MATR3: variants seen among roughly 807,000 people sequenced by gnomAD.
MATR3 encodes the protein matrin 3.
MATR3 carries 4 observed loss-of-function variants against 85.5 expected under a neutral mutation model. The ratio of observed to expected loss-of-function variants is 0.05; its 90% CI spans 0.02 to 0.11. MATR3 has a LOEUF of 0.11. MATR3 is among the 10% of genes least tolerant of loss of function. MATR3 has a pLI of 1.00. For synonymous variants in MATR3, 336 were observed against 343.1 expected, an observed-to-expected ratio of 0.98 and a Z score of 0.23; for missense variants, 685 against 1,016.1, an observed-to-expected ratio of 0.67 and a Z score of 4.43.
intron 3 of MATR3, chr5:139,282,688 A>T (rs1458053709): frequency 6.6e-6 from 1 of 152,196 alleles, no homozygotes; most frequent in Non-Finnish European, 1.5e-5. Context: ...TAAAGTCCAT[A>T]CTTTGTTCAG....
chr5:139,286,648 C>CAGCCTA (rs1561921376), intron 3 of MATR3, among the ~76,000 whole-genome samples: 1 of 151,424 alleles, frequency 6.6e-6, no homozygotes, highest in Non-Finnish European at 1.5e-5. Context: ...AGTACAAGAC[C>CAGCCTA]AGCCTAGCCA....
At chr5:139,294,708 G>C (rs773204850) in intron 1 of MATR3, 1 of 152,180 alleles carries the variant, frequency 6.6e-6, no homozygotes, top group Non-Finnish European at 1.5e-5. Flanking sequence ...AGAGAGGATC[G>C]TGTGGTGTGG....
At chr5:139,300,170 C>G (rs1055152111) in intron 1 of MATR3, among the ~76,000 whole-genome samples, 8 of 152,134 alleles carry the variant, frequency 5.3e-5, no homozygotes, top group African/African-American at 1.9e-4. Context: ...CGAGACCAGT[C>G]TGGCCAACAT....
chr5:139,293,993 C>G, intron 1 of MATR3, 188 bp downstream of exon 1: 1 of 1,281,364 alleles, frequency 7.8e-7, no homozygotes, highest in Non-Finnish European at 9.9e-7. Flanking sequence ...GTTAGGAGCG[C>G]AGTGGCGGCG....
chr5:139,300,690 A>C (rs1461513276), intron 1 of MATR3, among the ~76,000 whole-genome samples: 1 of 152,168 alleles, frequency 6.6e-6, no homozygotes, highest in African/African-American at 2.4e-5. Flanking sequence ...TCAGAGTCTC[A>C]CTCTGTCACC....
At chr5:139,293,937 C>T in intron 1 of MATR3, 132 bp downstream of exon 1, 2 of 1,208,586 alleles carry the variant, frequency 1.7e-6, no homozygotes, top group African/African-American at 1.6e-5. Context: ...CCCGCTCTGC[C>T]TCCCTCCGCG....
intron 5 of MATR3, among the ~76,000 whole-genome samples, chr5:139,316,481 G>A (rs1366075199): frequency 6.6e-6 from 1 of 152,082 alleles, no homozygotes; most frequent in Non-Finnish European, 1.5e-5. Context: ...CTTGGCCTCA[G>A]GTGGACTACC....
At position 139,329,801 on chromosome 5, in the gene MATR3, A is replaced by G. The variant is rs185734839; in HGVS notation, c.*406A>G. 8.6e-5 allele frequency: 39 copies of G among 454,690 alleles called. No individual in the cohort carries two copies. The East Asian group carries it at 2.2e-3, about 26-fold the overall frequency. The allele number at this position is 454,690 out of a possible 1,614,324, so 28.2% of individuals were successfully genotyped here. On this transcript the variant is annotated 3_prime_UTR_variant, in exon 15 of 15. Coordinates refer to ENST00000394805, the MANE Select transcript of MATR3 (RefSeq NM_018834.6). ...AGTGTTTTTATTACTTTCATCTGAAACATTCCATGTTTTAATCTGAGCCTT... is the reference window on the plus strand; with the variant it reads ...AGTGTTTTTATTACTTTCATCTGAAGCATTCCATGTTTTAATCTGAGCCTT...
chr5:139,329,636 G>C lies in MATR3; in HGVS notation c.*241G>C. On this transcript the variant is annotated 3_prime_UTR_variant, in exon 15 of 15. Transcript: ENST00000394805. ...GCAACAGACAGAAGTACTTTGTAGAGATTGACTTCCTAAGCTACTTAAGAC... is the reference window on the plus strand; with the variant it reads ...GCAACAGACAGAAGTACTTTGTAGACATTGACTTCCTAAGCTACTTAAGAC... 1.9e-6 allele frequency: 1 copy of C among 524,834 alleles called. No homozygotes were observed. Among genetic ancestry groups the C allele is most frequent in the Non-Finnish European group, 3.6e-6 (1 of 274,432 alleles). The allele number at this position is 524,834 out of a possible 1,614,324, so 32.5% of individuals were successfully genotyped here. A position where few individuals can be genotyped will look rare whatever the true frequency, so the allele number is the denominator to read the frequency against.
At chr5:139,293,685 T>C (rs1753966215), upstream of MATR3, 2 of 299,052 alleles carry the variant, frequency 6.7e-6, no homozygotes, top group African/African-American at 4.3e-5. Context: ...GGTTTGTTCT[T>C]GGGCTGCAGC....
intron 1 of MATR3, chr5:139,294,201 G>C (rs549735583): frequency 2.2e-4 from 121 of 541,162 alleles, no homozygotes; most frequent in Admixed American, 5.2e-4. Context: ...GAGGGGGAGG[G>C]AGGAGCTCGC....
At position 139,330,100 on chromosome 5, in the gene MATR3, T is replaced by C. The variant is rs1375257627; in HGVS notation, c.*705T>C. On this transcript the variant is annotated 3_prime_UTR_variant, in exon 15 of 15. Transcript: ENST00000394805. The stretch of plus-strand genomic sequence containing the variant: ...TGACCAGTATTAATTTTTGAGATCT[T>C]ACTGCTTGTCACTTGAATCCCGTGA... The C allele has an allele frequency of 2.2e-6, 1 of 454,556 alleles. No individual in the cohort carries two copies. Among genetic ancestry groups the C allele is most frequent in the Admixed American group, 2.3e-5 (1 of 42,570 alleles). 28.2% of individuals were successfully genotyped at this position (454,556 alleles called of 1,614,324 possible).
At chr5:139,315,613 T>TG (rs1232154643) in intron 3 of MATR3, 84 bp from the exon 4 acceptor site, 1 of 848,074 alleles carries the variant, frequency 1.2e-6, no homozygotes, top group Non-Finnish European at 2.0e-6. Context: ...TACTAATAAA[T>TG]GATCTCTATT....
chr5:139,279,224 A>C (rs1753419625), intron 3 of MATR3: 6 of 447,800 alleles, frequency 1.3e-5, no homozygotes, highest in South Asian at 4.7e-5. Flanking sequence ...AATTATGTAG[A>C]GTATCAGACT....
chr5:139,322,537 G>A (rs1453653632), intron 11 of MATR3, 31 bp downstream of exon 11: 13 of 1,569,706 alleles, frequency 8.3e-6, no homozygotes, highest in Non-Finnish European at 7.9e-6. Flanking sequence ...ATATGTGTGA[G>A]TATATTCAAC....
At chr5:139,274,500 AT>A (rs1753194529) in intron 1 of MATR3, 2 of 178,298 alleles carry the variant, frequency 1.1e-5, no homozygotes, top group Admixed American at 1.1e-4. Flanking sequence ...GGGGCAGGCT[AT>A]TTTTAGATCT....
chr5:139,330,781 G>T lies in MATR3; in HGVS notation c.*1386G>T, dbSNP rs1264507822. On this transcript the variant is annotated 3_prime_UTR_variant, in exon 15 of 15. Transcript: ENST00000394805. ...TTACGTAGAGACTCTTGGTATATTGGATTATCTGTTGTAAACAATTTTTTT... is the reference window on the plus strand; with the variant it reads ...TTACGTAGAGACTCTTGGTATATTGTATTATCTGTTGTAAACAATTTTTTT... 1 of 454,042 alleles carries T rather than the reference G, an allele frequency of 2.2e-6. No individual in the cohort carries two copies. Among genetic ancestry groups the T allele is most frequent in the East Asian group, 6.9e-5 (1 of 14,396 alleles). The allele number at this position is 454,042 out of a possible 1,614,324, so 28.1% of individuals were successfully genotyped here.
chr5:139,304,371 GTGTC>G (rs996542963), intron 1 of MATR3, among the ~76,000 whole-genome samples: 2 of 151,966 alleles, frequency 1.3e-5, no homozygotes, highest in African/African-American at 4.8e-5. Flanking sequence ...GTGGTGGTGT[GTGTC>G]TGTAATTTCA....
chr5:139,302,337 A>T (rs1051503848), intron 1 of MATR3, among the ~76,000 whole-genome samples: 2 of 152,214 alleles, frequency 1.3e-5, no homozygotes, highest in Non-Finnish European at 2.9e-5. Context: ...AACATAGATT[A>T]GAGAGCATAA....
Sources: allele counts gnomAD v4.1 joint callset (sites outside exome capture counted in the v4.1 genomes callset), GRCh38; gene constraint gnomAD v4.1.1; transcripts MANE v1.5; gene names NCBI Gene and HGNC (gene_info 2026-07-23, HGNC 2026-07-21).